Variants in ENTREP2 observed in about 807,000 individuals in gnomAD.
ENTREP2 encodes the protein protein ENTREP2.
At chr15:29,395,602 A>T in the ENTREP2 span, among the ~76,000 whole-genome samples, 61 of 150,236 alleles carry the variant, frequency 4.1e-4, no homozygotes, top group Non-Finnish European at 6.8e-4. Flanking sequence ...ATCACAGCTC[A>T]CTGCACTTTC....
the ENTREP2 span, among the ~76,000 whole-genome samples, chr15:29,622,841 C>T: frequency 2.6e-5 from 4 of 152,150 alleles, no homozygotes; most frequent in Admixed American, 6.6e-5. Flanking sequence ...GCGAGGTGGC[C>T]GTGGAGATGA....
chr15:29,634,355 G>A, the ENTREP2 span, among the ~76,000 whole-genome samples: 1 of 152,124 alleles, frequency 6.6e-6, no homozygotes, highest in Non-Finnish European at 1.5e-5. Flanking sequence ...TCCCAGCAGA[G>A]CTTGGATATA....
At chr15:29,191,626 A>G in the ENTREP2 span, among the ~76,000 whole-genome samples, 1 of 152,304 alleles carries the variant, frequency 6.6e-6, no homozygotes, top group East Asian at 1.9e-4. Context: ...AGCTTTACAA[A>G]AACCGAACAG....
At chr15:29,488,162 G>A in the ENTREP2 span, among the ~76,000 whole-genome samples, 2 of 152,104 alleles carry the variant, frequency 1.3e-5, no homozygotes, top group African/African-American at 4.8e-5. Context: ...GGAAAGAAAG[G>A]AAAAGGAGCT....
the ENTREP2 span, among the ~76,000 whole-genome samples, chr15:29,608,639 CCGCCTCCCAGGTT>C: frequency 1.3e-4 from 19 of 151,474 alleles, no homozygotes; most frequent in South Asian, 2.1e-4. Flanking sequence ...ACTGCAAGCT[CCGCCTCCCAGGTT>C]CGCCTCCCAG....
At chr15:29,343,543 G>A in the ENTREP2 span, among the ~76,000 whole-genome samples, 1 of 151,442 alleles carries the variant, frequency 6.6e-6, no homozygotes, top group Non-Finnish European at 1.5e-5. Flanking sequence ...ACAATCAGGT[G>A]AGTCCATTCC....
At chr15:29,119,241 G>C in the ENTREP2 span, among the ~76,000 whole-genome samples, 1 of 152,218 alleles carries the variant, frequency 6.6e-6, no homozygotes. Flanking sequence ...ATGCCGAAAT[G>C]TATATGCACT....
the ENTREP2 span, chr15:29,235,061 C>G: frequency 6.2e-6 from 7 of 1,121,224 alleles, no homozygotes; most frequent in African/African-American, 1.1e-4. Flanking sequence ...GCCCCACAGC[C>G]AGGACAGGTC....
At chr15:29,211,668 C>T in the ENTREP2 span, among the ~76,000 whole-genome samples, 1 of 152,070 alleles carries the variant, frequency 6.6e-6, no homozygotes, top group Non-Finnish European at 1.5e-5. Context: ...CCCGATTTTG[C>T]CGAGAGTTTT....
the ENTREP2 span, among the ~76,000 whole-genome samples, chr15:29,420,511 C>G: frequency 9.2e-5 from 14 of 152,038 alleles, no homozygotes. Flanking sequence ...GCCAGCTCAC[C>G]GGGTATGCAA....
chr15:29,411,619 T>C, the ENTREP2 span, among the ~76,000 whole-genome samples: 2 of 152,240 alleles, frequency 1.3e-5, no homozygotes, highest in African/African-American at 4.8e-5. Flanking sequence ...CTTCCAGTTG[T>C]GTTTTTGCTT....
the ENTREP2 span, among the ~76,000 whole-genome samples, chr15:29,132,518 G>A: frequency 3.9e-5 from 6 of 152,066 alleles, no homozygotes; most frequent in African/African-American, 1.4e-4. Flanking sequence ...GGGGGTCTCC[G>A]AGCCAACACA....
At chr15:29,129,568 G>C in the ENTREP2 span, among the ~76,000 whole-genome samples, 1 of 152,118 alleles carries the variant, frequency 6.6e-6, no homozygotes, top group Non-Finnish European at 1.5e-5. Context: ...CTGCAGACTC[G>C]AACTCCTGGG....
chr15:29,510,439 C>A, the ENTREP2 span, among the ~76,000 whole-genome samples: 5 of 152,296 alleles, frequency 3.3e-5, no homozygotes, highest in South Asian at 1.0e-3. Context: ...ACTATAAAGA[C>A]ACATGCACAT....
chr15:29,129,058 T>G, the ENTREP2 span, among the ~76,000 whole-genome samples: 1 of 152,124 alleles, frequency 6.6e-6, no homozygotes, highest in African/African-American at 2.4e-5. Context: ...AAGGCCAAAG[T>G]CTAGTTTTCT....
At chr15:29,228,294 G>C in the ENTREP2 span, among the ~76,000 whole-genome samples, 7 of 151,792 alleles carry the variant, frequency 4.6e-5, no homozygotes, top group Admixed American at 4.6e-4. Context: ...ACTCTAGCCT[G>C]GGCAACACAG....
At chr15:29,360,195 AATTTTTTC>A in the ENTREP2 span, among the ~76,000 whole-genome samples, 1 of 152,228 alleles carries the variant, frequency 6.6e-6, no homozygotes, top group East Asian at 1.9e-4. Context: ...CAGTTATAAT[AATTTTTTC>A]TAACGCTATA....
At chr15:29,136,352 G>A in the ENTREP2 span, 16 of 1,483,260 alleles carry the variant, frequency 1.1e-5, no homozygotes, top group Admixed American at 5.5e-5. Context: ...TTTGTCTGGG[G>A]CCCCAGGCCT....
At chr15:29,555,830 A>G in the ENTREP2 span, among the ~76,000 whole-genome samples, 2 of 152,180 alleles carry the variant, frequency 1.3e-5, no homozygotes, top group Admixed American at 6.5e-5. Context: ...TGGGGGTCAG[A>G]GTCAGACACA....
Sources: gnomAD v4.1 joint callset for allele counts (sites outside exome capture counted in the v4.1 genomes callset) on GRCh38, gnomAD v4.1.1 for gene constraint, MANE v1.5 for transcripts, NCBI Gene and HGNC (gene_info 2026-07-23, HGNC 2026-07-21) for gene names.